Variants in FCRL5 observed in about 807,000 individuals in gnomAD.
The protein encoded by FCRL5 is Fc receptor like 5.
Under a neutral mutation model 92.1 loss-of-function variants are expected in FCRL5, and 79 were observed. The observed-to-expected ratio is 0.86, with a 90% CI of 0.72 to 1.03. The LOEUF (loss-of-function observed/expected upper bound fraction) is 1.03, where lower values mean the gene tolerates loss of function less well. FCRL5 is among the 50% of genes least tolerant of loss of function. The pLI, the probability that FCRL5 is intolerant of heterozygous loss-of-function variation, is 0.00. For missense variants in FCRL5, 1,160 were observed against 1,181.1 expected, an observed-to-expected ratio of 0.98 and a Z score of 0.26; for synonymous variants, 466 against 469.3, an observed-to-expected ratio of 0.99 and a Z score of 0.09.
In FCRL5 at chr1:157,527,696, T is replaced by G. The variant is rs1650494550; in HGVS notation, c.1881A>C (p.Glu627Asp). The change falls in exon 9 of 17, where the codon GAA becomes GAC. Residue 627 changes from glutamate to aspartate, a missense_variant. Coordinates refer to ENST00000361835, the MANE Select transcript of FCRL5 (RefSeq NM_031281.3). Reference sequence around the variant, plus strand: ...CCTCACATGAGTAGTTTCCAGAATGTTCTGCAGTCAGAGAGAGGTTGAAAG... The same window carrying G: ...CCTCACATGAGTAGTTTCCAGAATGGTCTGCAGTCAGAGAGAGGTTGAAAG... ...EASFNLSLTAEHSGNYSCEAN... is the reference protein window; with the variant it reads ...EASFNLSLTADHSGNYSCEAN... The G allele has an allele frequency of 6.2e-7, 1 of 1,614,114 alleles. No individual in the cohort carries two copies. The highest frequency in any genetic ancestry group is 8.5e-7 in the Non-Finnish European group (1 of 1,180,030).
At chr1:157,548,750 A>G (rs1266017150) in intron 2 of FCRL5, among the ~76,000 whole-genome samples, 2 of 152,252 alleles carry the variant, frequency 1.3e-5, no homozygotes, top group Non-Finnish European at 2.9e-5. Flanking sequence ...ATATCACACC[A>G]GTTAGAATGG....
At chr1:157,538,086 A>C (rs1342030219) in intron 7 of FCRL5, among the ~76,000 whole-genome samples, 4 of 152,160 alleles carry the variant, frequency 2.6e-5, no homozygotes, top group Non-Finnish European at 1.5e-5. Context: ...TGGGTCATTT[A>C]ATAGGACTTT....
In FCRL5 at chr1:157,520,551, A is replaced by T. The variant is rs760631441; in HGVS notation, c.2516-4T>A. On this transcript the variant is annotated splice_region_variant and splice_polypyrimidine_tract_variant and intron_variant, in intron 11 of 16. Transcript: ENST00000361835. ...CCACTTCTGTTCGCGGTCAGCCCTG[A>T]GGGGGAGACCCTGTGTGTGAGCCAG... The T allele has an allele frequency of 1.9e-6, 3 of 1,581,268 alleles. No homozygotes were observed. The South Asian group carries it at 3.5e-5, about 18-fold the overall frequency.
chr1:157,552,304 A>C lies in FCRL5; in HGVS notation c.31+28T>G, dbSNP rs1362789428. ...GAGAGAAGCTGTCCCGATCCCACCC[A>C]GGGCCCATGGTGAGCCCTTTTACTC... is the stretch of plus-strand genomic sequence containing the variant. On this transcript the variant is annotated intron_variant, in intron 1 of 16. Transcript: ENST00000361835. 3 of 1,613,112 alleles carry C rather than the reference A, an allele frequency of 1.9e-6. No homozygotes were observed. In the Admixed American group the frequency reaches 5.0e-5, roughly 27 times the overall value.
At chr1:157,536,842 G>T (rs1434712968) in intron 7 of FCRL5, among the ~76,000 whole-genome samples, 1 of 152,198 alleles carries the variant, frequency 6.6e-6, no homozygotes, top group Non-Finnish European at 1.5e-5. Flanking sequence ...AGATTTCATG[G>T]ACATTTATTA....
chr1:157,542,717 T>A (rs771755522), intron 6 of FCRL5, 142 bp downstream of exon 6: 3 of 1,017,162 alleles, frequency 2.9e-6, no homozygotes, highest in South Asian at 1.7e-5. Flanking sequence ...GCTGGTTCAG[T>A]GAGCCGGAGA....
intron 3 of FCRL5, among the ~76,000 whole-genome samples, chr1:157,546,460 C>T (rs930003763): frequency 2.0e-5 from 3 of 149,822 alleles, no homozygotes; most frequent in Admixed American, 6.6e-5. Context: ...AAAACCAAAC[C>T]AAACCAAACC....
intron 2 of FCRL5, 188 bp from the exon 3 acceptor site, chr1:157,547,385 A>G: frequency 1.3e-6 from 1 of 796,484 alleles, no homozygotes; most frequent in Non-Finnish European, 2.2e-6. Context: ...GAAATTGCCC[A>G]GGGGATGGCA....
intron 1 of FCRL5, among the ~76,000 whole-genome samples, chr1:157,552,093 ATTG>A (rs1011871539): frequency 1.2e-4 from 18 of 152,238 alleles, no homozygotes; most frequent in African/African-American, 4.3e-4. Flanking sequence ...TGAAATTTTA[ATTG>A]TTGTGGTTAT....
At position 157,524,324 on chromosome 1, in the gene FCRL5, C is replaced by T. The variant is rs750435883; in HGVS notation, c.2194G>A (p.Gly732Ser). The stretch of plus-strand genomic sequence containing the variant: ...ATCTCACTGCGCTGGGCCTCCAGAC[C>T]ATTGTCTGCCTCACAGGAGTAGATT... ...SGIYSCEADN[G>S]LEAQRSEMVT... Residue 732 changes from glycine to serine, a missense_variant, in exon 10 of 17, where the codon GGT (glycine) becomes AGT (serine). Physicochemically the swap from Gly to Ser is moderately conservative, Grantham distance 56 (BLOSUM62 0). Coordinates refer to ENST00000361835, the MANE Select transcript of FCRL5 (RefSeq NM_031281.3). 3 of 1,614,278 alleles carry T rather than the reference C, an allele frequency of 1.9e-6. No individual in the cohort carries two copies. The highest frequency in any genetic ancestry group is 2.2e-5 in the East Asian group (1 of 44,890).
chr1:157,521,303 A>G lies in FCRL5; in HGVS notation c.2240-11T>C, dbSNP rs1650181776. The G allele has an allele frequency of 6.3e-7, 1 of 1,586,362 alleles. No homozygotes were observed. On this transcript the variant is annotated splice_polypyrimidine_tract_variant and intron_variant, in intron 10 of 16. Coordinates refer to ENST00000361835, the MANE Select transcript of FCRL5 (RefSeq NM_031281.3). Reference sequence around the variant, plus strand: ...GGCGAGACACCGGAACTGAAAGAGAACAAAAAGTCAACAGCAGTTTCTGCT... The same window carrying G: ...GGCGAGACACCGGAACTGAAAGAGAGCAAAAAGTCAACAGCAGTTTCTGCT...
intron 7 of FCRL5, 123 bp from the exon 8 acceptor site, chr1:157,535,015 A>G (rs1650902583): frequency 1.2e-6 from 1 of 858,492 alleles, no homozygotes; most frequent in East Asian, 2.7e-5. Flanking sequence ...CCTGGAGGGC[A>G]GCCAAGCAAC....
At chr1:157,551,743 T>C (rs772876321) in intron 1 of FCRL5, among the ~76,000 whole-genome samples, 1 of 151,404 alleles carries the variant, frequency 6.6e-6, no homozygotes, top group Non-Finnish European at 1.5e-5. Flanking sequence ...TATGAGTTGA[T>C]AGAGACTTAC....
At chr1:157,523,964 G>A (rs1888872) in intron 10 of FCRL5, 20,606 of 426,658 alleles carry the variant, frequency 0.048, 2,040 homozygotes, top group African/African-American at 0.27. Flanking sequence ...AGAAACATAT[G>A]CTCAGAATTC....
At chr1:157,544,597 T>C (rs2101642503) in intron 4 of FCRL5, 51 bp from the exon 5 acceptor site, 1 of 1,589,830 alleles carries the variant, frequency 6.3e-7, no homozygotes, top group African/African-American at 1.3e-5. Context: ...GGAACTGCTT[T>C]GGAGAAAAGC....
chr1:157,521,088 C>G lies in FCRL5; in HGVS notation c.2444G>C (p.Gly815Ala). 1 of 1,614,120 alleles carries G rather than the reference C, an allele frequency of 6.2e-7. No homozygotes were observed. Among genetic ancestry groups the G allele is most frequent in the Non-Finnish European group, 8.5e-7 (1 of 1,180,024 alleles). The change falls in exon 11 of 17, where the codon GGA becomes GCA. Residue 815 changes from glycine to alanine, a missense_variant. Coordinates refer to ENST00000361835, the MANE Select transcript of FCRL5 (RefSeq NM_031281.3). ...ATTGTCGGCCTCACAGGAGTAGTTT[C>G]CAGAGTGCTCTGCAGTCAGAGAGAG... ...LNLSLTAEHS[G>A]NYSCEADNGL...
rs184384050 is a variant in FCRL5, at chr1:157,534,148, G to T, written c.1681+466C>A. The T allele has an allele frequency of 8.2e-6, 3 of 364,710 alleles. No individual in the cohort carries two copies. In the East Asian group the frequency reaches 1.9e-4, roughly 23 times the overall value. The allele number at this position is 364,710 out of a possible 1,614,324, so 22.6% of individuals were successfully genotyped here. A position where few individuals can be genotyped will look rare whatever the true frequency, so the allele number is the denominator to read the frequency against. On this transcript the variant is annotated intron_variant, in intron 8 of 16. Coordinates refer to ENST00000361835, the MANE Select transcript of FCRL5 (RefSeq NM_031281.3). ...GGGATCATAAAAACTCCAGAAGTTTGAGGAGTTGGTTCCTAGGGAGCCATT... is the reference window on the plus strand; with the variant it reads ...GGGATCATAAAAACTCCAGAAGTTTTAGGAGTTGGTTCCTAGGGAGCCATT...
At chr1:157,547,355 C>A in intron 2 of FCRL5, 158 bp from the exon 3 acceptor site, 1 of 945,858 alleles carries the variant, frequency 1.1e-6, no homozygotes, top group South Asian at 1.3e-5. Context: ...CAGCCAGTGG[C>A]CCTCACCTCA....
chr1:157,549,342 G>T (rs530869470), intron 2 of FCRL5, among the ~76,000 whole-genome samples: 5 of 151,556 alleles, frequency 3.3e-5, no homozygotes, highest in African/African-American at 9.7e-5. Flanking sequence ...GTTAAATGAC[G>T]AGTTAGTGGG....
Sources: allele counts gnomAD v4.1 joint callset (sites outside exome capture counted in the v4.1 genomes callset), GRCh38; gene constraint gnomAD v4.1.1; transcripts MANE v1.5; gene names NCBI Gene and HGNC (gene_info 2026-07-23, HGNC 2026-07-21).